TMEM154: variants seen among roughly 807,000 people sequenced by gnomAD.
TMEM154 encodes transmembrane protein 154.
TMEM154 carries 27 observed loss-of-function variants against 24.5 expected under a neutral mutation model. The observed-to-expected ratio is 1.10, with a 90% CI of 0.81 to 1.52. The LOEUF (loss-of-function observed/expected upper bound fraction) is 1.52, where lower values mean the gene tolerates loss of function less well. Among genes scored for constraint, TMEM154 ranks in the 40% most tolerant of loss-of-function variants. The pLI, the probability that TMEM154 is intolerant of heterozygous loss-of-function variation, is 0.00. For synonymous variants in TMEM154, 67 were observed against 76.8 expected, an observed-to-expected ratio of 0.87 and a Z score of 0.67; for missense variants, 228 against 213.4, an observed-to-expected ratio of 1.07 and a Z score of -0.43.
At chr4:152,674,109 C>T (rs537214941) in intron 1 of TMEM154, among the ~76,000 whole-genome samples, 84 of 151,966 alleles carry the variant, frequency 5.5e-4, no homozygotes, top group African/African-American at 1.9e-3. Flanking sequence ...AAAGAAATCT[C>T]AAGAAAGCAA....
intron 6 of TMEM154, among the ~76,000 whole-genome samples, chr4:152,636,278 T>C (rs1752147109): frequency 6.6e-6 from 1 of 152,174 alleles, no homozygotes; most frequent in African/African-American, 2.4e-5. Flanking sequence ...AGGGATGAAA[T>C]TCTCTTCAAC....
In TMEM154 at chr4:152,657,986, C is replaced by T. The variant is rs536182003; in HGVS notation, c.65-5059G>A. On this transcript the variant is annotated intron_variant, in intron 1 of 6. Transcript: ENST00000304385. Reference sequence around the variant, plus strand: ...CCCTAAAAGAAATGCTTAAGGGAGTCCACTGAGAAGCAAAAGAACAATATT... The same window carrying T: ...CCCTAAAAGAAATGCTTAAGGGAGTTCACTGAGAAGCAAAAGAACAATATT... Among the ~76,000 whole-genome samples, 5 of 152,192 alleles carry T rather than the reference C, an allele frequency of 3.3e-5. No homozygotes were observed. In the East Asian group the frequency reaches 9.7e-4, roughly 29 times the overall value.
chr4:152,638,001 C>T (rs1752183279), intron 6 of TMEM154, among the ~76,000 whole-genome samples: 1 of 152,192 alleles, frequency 6.6e-6, no homozygotes, highest in South Asian at 2.1e-4. Context: ...TGGCTCACTC[C>T]TGTCATCCCA....
chr4:152,645,393 G>A (rs1305430510), intron 3 of TMEM154, among the ~76,000 whole-genome samples: 3 of 152,188 alleles, frequency 2.0e-5, no homozygotes, highest in African/African-American at 7.2e-5. Context: ...TGAGAGTCAG[G>A]TAACTGTTTA....
intron 3 of TMEM154, among the ~76,000 whole-genome samples, chr4:152,652,026 A>T (rs1334423485): frequency 6.6e-6 from 1 of 152,190 alleles, no homozygotes; most frequent in Non-Finnish European, 1.5e-5. Context: ...AACACACACA[A>T]TGTTTATCAA....
intron 1 of TMEM154, among the ~76,000 whole-genome samples, chr4:152,675,639 A>G (rs1350633535): frequency 6.6e-6 from 1 of 152,216 alleles, no homozygotes; most frequent in Non-Finnish European, 1.5e-5. Flanking sequence ...AAAAGAAAAA[A>G]AAAAAACAAA....
Position 152,666,989 on chromosome 4 carries a change from GTGC to G in TMEM154, c.64+12878_64+12880del, listed in dbSNP as rs1377556761. On this transcript the variant is annotated intron_variant, in intron 1 of 6. Transcript: ENST00000304385. ...CATGGACTACAGATGCTGCTCTGAA[GTGC>G]TCTGCACTTTACTTTTCTCTAGTTC... 3.1e-4 allele frequency: 48 copies of G among 152,430 alleles called. 1 individual carries two copies. The highest frequency in any genetic ancestry group is 1.0e-3 in the African/African-American group (43 of 41,594). 9.4% of individuals were successfully genotyped at this position (152,430 alleles called of 1,614,324 possible).
Position 152,627,188 on chromosome 4 carries a change from A to G in TMEM154, c.*1358T>C, listed in dbSNP as rs1751935826. The G allele has an allele frequency of 6.6e-6, 1 of 152,244 alleles. No individual in the cohort carries two copies. 9.4% of individuals were successfully genotyped at this position (152,244 alleles called of 1,614,324 possible). ...ACTTGTTAAAGGGATCCCAAAAGGT[A>G]GGAGACAAGTAGTTTTTGTTATGCA... On this transcript the variant is annotated 3_prime_UTR_variant, in exon 7 of 7. Transcript: ENST00000304385.
At position 152,678,224 on chromosome 4, in the gene TMEM154, G is replaced by T. The variant is rs202041100; in HGVS notation, c.64+1646C>A. ...GAACAAGTGAAGGGGCATAAATGAG[G>T]GGTCCTTAAGGGGGAAGATGTGCAC... On this transcript the variant is annotated intron_variant, in intron 1 of 6. Coordinates refer to ENST00000304385, the MANE Select transcript of TMEM154 (RefSeq NM_152680.3). Among the ~76,000 whole-genome samples the T allele has an allele frequency of 3.3e-5, 5 of 152,106 alleles. No homozygotes were observed. In the East Asian group the frequency reaches 9.7e-4, roughly 29 times the overall value.
At chr4:152,634,031 CAAAAA>C (rs1167923301) in intron 6 of TMEM154, among the ~76,000 whole-genome samples, 2 of 20,412 alleles carry the variant, frequency 9.8e-5, no homozygotes, top group East Asian at 1.7e-3. Context: ...GACCCCATCT[CAAAAA>C]AAAAAAAAAA....
intron 3 of TMEM154, chr4:152,646,550 C>T (rs1476046488): frequency 5.6e-6 from 1 of 178,128 alleles, no homozygotes; most frequent in East Asian, 1.7e-4. Context: ...TTATGAATAG[C>T]CACCTATTCC....
At chr4:152,641,861 T>A (rs1431657389) in intron 5 of TMEM154, among the ~76,000 whole-genome samples, 1 of 150,970 alleles carries the variant, frequency 6.6e-6, no homozygotes, top group East Asian at 1.9e-4. Context: ...GAGTGGCTCT[T>A]TTTTGAAATC....
At chr4:152,644,686 C>T (rs3935569) in intron 3 of TMEM154, among the ~76,000 whole-genome samples, 68,569 of 152,062 alleles carry the variant, frequency 0.45, 16,016 homozygotes, top group Non-Finnish European at 0.52. Flanking sequence ...TCACTTCAGA[C>T]CAGATGTTCA....
chr4:152,653,363 A>G (rs1728426701), intron 1 of TMEM154, among the ~76,000 whole-genome samples: 1 of 151,550 alleles, frequency 6.6e-6, no homozygotes, highest in African/African-American at 2.4e-5. Context: ...GCACTTTTAG[A>G]TGTAAAGAAA....
chr4:152,660,024 G>A (rs537708523), intron 1 of TMEM154, among the ~76,000 whole-genome samples: 15 of 138,314 alleles, frequency 1.1e-4, no homozygotes, highest in African/African-American at 3.7e-4. Context: ...CTGAAACCAC[G>A]AAAAACGAAA....
At chr4:152,642,109 G>T (rs995090696) in intron 5 of TMEM154, among the ~76,000 whole-genome samples, 3 of 151,372 alleles carry the variant, frequency 2.0e-5, no homozygotes, top group African/African-American at 7.3e-5. Flanking sequence ...AGTAGAGATG[G>T]TGTTTCACCA....
chr4:152,657,053 CA>C (rs1728506284), intron 1 of TMEM154, among the ~76,000 whole-genome samples: 1 of 149,708 alleles, frequency 6.7e-6, no homozygotes, highest in South Asian at 2.1e-4. Context: ...AAAGCTTCAA[CA>C]ATAGACTAAA....
At chr4:152,657,264 A>G (rs1410236012) in intron 1 of TMEM154, among the ~76,000 whole-genome samples, 1 of 151,488 alleles carries the variant, frequency 6.6e-6, no homozygotes, top group Non-Finnish European at 1.5e-5. Context: ...CTGTAATCCC[A>G]GCACTTTGGG....
intron 6 of TMEM154, 77 bp from the exon 7 acceptor site, chr4:152,628,638 C>CA: frequency 3.2e-6 from 3 of 945,500 alleles, no homozygotes; most frequent in Non-Finnish European, 4.0e-6. Context: ...ATATTTCTTT[C>CA]TTTTTTTTTT....
Sources: allele counts gnomAD v4.1 joint callset (sites outside exome capture counted in the v4.1 genomes callset), GRCh38; gene constraint gnomAD v4.1.1; transcripts MANE v1.5; gene names NCBI Gene and HGNC (gene_info 2026-07-23, HGNC 2026-07-21).